Variants in HP1BP3 observed in about 807,000 individuals in gnomAD.
HP1BP3 encodes heterochromatin protein 1 binding protein 3.
HP1BP3 carries 12 observed loss-of-function variants against 62.5 expected under a neutral mutation model. That is an observed-to-expected ratio of 0.19 (90% confidence interval 0.12 to 0.31). The LOEUF is 0.31. Among genes scored for constraint, HP1BP3 ranks in the 10% least tolerant of loss-of-function variants. HP1BP3 has a pLI of 1.00. For synonymous variants in HP1BP3, 260 were observed against 237.8 expected (o/e 1.09, Z -0.86); for missense variants, 502 against 651.8 (o/e 0.77, Z 2.50).
chr1:20,761,605 A>C (rs879638297), intron 8 of HP1BP3, among the ~76,000 whole-genome samples: 1 of 152,216 alleles, frequency 6.6e-6, no homozygotes, highest in African/African-American at 2.4e-5. Context: ...ATCCGTATAC[A>C]CGAATCTGAA....
chr1:20,757,375 T>TA (rs1216710539), intron 8 of HP1BP3, 119 bp from the exon 9 acceptor site: 7 of 231,216 alleles, frequency 3.0e-5, no homozygotes, highest in Admixed American at 1.4e-4. Flanking sequence ...TATTATTATT[T>TA]TTTTTTTTTT....
At chr1:20,759,054 T>C (rs1217190826) in intron 8 of HP1BP3, among the ~76,000 whole-genome samples, 1 of 151,978 alleles carries the variant, frequency 6.6e-6, no homozygotes, top group Non-Finnish European at 1.5e-5. Flanking sequence ...TTAAGGACAT[T>C]TGAACATGGA....
intron 9 of HP1BP3, among the ~76,000 whole-genome samples, chr1:20,756,632 T>C (rs1156231746): frequency 6.6e-6 from 1 of 152,208 alleles, no homozygotes; most frequent in Non-Finnish European, 1.5e-5. Flanking sequence ...ATATGTCATT[T>C]ATGTTAATAT....
At chr1:20,758,349 C>T (rs2056250986) in intron 8 of HP1BP3, among the ~76,000 whole-genome samples, 1 of 146,358 alleles carries the variant, frequency 6.8e-6, no homozygotes, top group Non-Finnish European at 1.5e-5. Flanking sequence ...GGGTTAAACA[C>T]TCCTTTTTTT....
intron 11 of HP1BP3, among the ~76,000 whole-genome samples, chr1:20,746,254 T>C (rs191287792): frequency 2.7e-4 from 41 of 150,312 alleles, no homozygotes; most frequent in Non-Finnish European, 5.0e-4. Flanking sequence ...ACACAGGGTC[T>C]TGCTATGCTG....
intron 4 of HP1BP3, chr1:20,776,311 T>C: frequency 2.3e-6 from 1 of 427,178 alleles, no homozygotes. Flanking sequence ...TGCCAATGCT[T>C]AAAATATCAG....
intron 6 of HP1BP3, among the ~76,000 whole-genome samples, chr1:20,770,306 G>A (rs1378176331): frequency 2.0e-5 from 3 of 152,080 alleles, no homozygotes; most frequent in African/African-American, 7.2e-5. Context: ...CCTAAGACAA[G>A]GGCAATTATT....
In HP1BP3 at chr1:20,743,151, G is replaced by A. The variant is rs1347648655; in HGVS notation, c.*1646C>T. 1 of 150,442 alleles carries A rather than the reference G, an allele frequency of 6.6e-6. No individual in the cohort carries two copies. Among genetic ancestry groups the A allele is most frequent in the Non-Finnish European group, 1.5e-5 (1 of 67,636 alleles). The allele number at this position is 150,442 out of a possible 1,614,324, so 9.3% of individuals were successfully genotyped here. A position where few individuals can be genotyped will look rare whatever the true frequency, so the allele number is the denominator to read the frequency against. On this transcript the variant is annotated 3_prime_UTR_variant, in exon 13 of 13. Transcript: ENST00000438032. Reference sequence around the variant, plus strand: ...TTTTTTTTAATATCTCAAAAAGGAAGCCACTTGCTTGATATCAAAAGTGCT... The same window carrying A: ...TTTTTTTTAATATCTCAAAAAGGAAACCACTTGCTTGATATCAAAAGTGCT...
At chr1:20,771,151 G>C (rs1315009822) in intron 5 of HP1BP3, 78 bp from the exon 6 acceptor site, 3 of 1,271,060 alleles carry the variant, frequency 2.4e-6, no homozygotes, top group Non-Finnish European at 3.3e-6. Flanking sequence ...AAATTATTTT[G>C]GAAGTGAATT....
At chr1:20,770,211 T>C (rs2056993442) in intron 6 of HP1BP3, among the ~76,000 whole-genome samples, 1 of 152,230 alleles carries the variant, frequency 6.6e-6, no homozygotes. Flanking sequence ...GTTTAGATAC[T>C]AATCAGTTAA....
Position 20,743,122 on chromosome 1 carries a change from CTTT to C in HP1BP3, c.*1672_*1674del, listed in dbSNP as rs35433329. ...GGGCTTCATTTACTTTTTTCCTTTT[CTTT>C]TTTTTTTTAATATCTCAAAAAGGAA... On this transcript the variant is annotated 3_prime_UTR_variant, in exon 13 of 13. Coordinates refer to ENST00000438032, the MANE Select transcript of HP1BP3 (RefSeq NM_001372052.1). 1 of 142,906 alleles carries C rather than the reference CTTT, an allele frequency of 7.0e-6. No homozygotes were observed. Among genetic ancestry groups the C allele is most frequent in the Non-Finnish European group, 1.5e-5 (1 of 65,138 alleles). 8.9% of individuals were successfully genotyped at this position (142,906 alleles called of 1,614,324 possible).
intron 11 of HP1BP3, among the ~76,000 whole-genome samples, chr1:20,746,344 C>G (rs1570535884): frequency 6.6e-6 from 1 of 151,698 alleles, no homozygotes; most frequent in East Asian, 1.9e-4. Context: ...CAGGTGCATC[C>G]CACCACACCT....
chr1:20,781,717 C>A (rs183490689), intron 1 of HP1BP3, among the ~76,000 whole-genome samples: 39 of 152,320 alleles, frequency 2.6e-4, no homozygotes, highest in Admixed American at 1.7e-3. Context: ...ACCTCCGCCT[C>A]CTTGGTTCAA....
At position 20,747,637 on chromosome 1, in the gene HP1BP3, G is replaced by GT; in HGVS notation, c.1159dup (p.Thr387AsnfsTer44). On this transcript the variant is annotated frameshift_variant, in exon 11 of 13. Transcript: ENST00000438032. LOFTEE classifies it high-confidence loss of function. Reference sequence around the variant, plus strand: ...CCCATTCTTTTCGCATTTCTGCAGGGTTTTTTTCAGCAAATGCACTGAAAA... The same window carrying GT: ...CCCATTCTTTTCGCATTTCTGCAGGGTTTTTTTTCAGCAAATGCACTGAAAA... The GT allele has an allele frequency of 6.2e-7, 1 of 1,610,572 alleles. No individual in the cohort carries two copies. Among genetic ancestry groups the GT allele is most frequent in the Admixed American group, 1.7e-5 (1 of 59,592 alleles).
intron 11 of HP1BP3, 87 bp downstream of exon 11, chr1:20,747,457 A>C (rs188511099): frequency 4.6e-6 from 4 of 862,836 alleles, no homozygotes; most frequent in Non-Finnish European, 7.3e-6. Flanking sequence ...CAGTTCACTA[A>C]AACAGTAATA....
chr1:20,778,636 T>C (rs574705683), intron 3 of HP1BP3, among the ~76,000 whole-genome samples: 1 of 151,342 alleles, frequency 6.6e-6, no homozygotes, highest in African/African-American at 2.5e-5. Context: ...CCCGTGTTTC[T>C]TAACTGCCTT....
rs1449206922 is a variant in HP1BP3, at chr1:20,742,284, C to A, written c.*2513G>T. Reference sequence around the variant, plus strand: ...AAGAATCATTACTTGCTAGAGAGCACAGGAGTAATTACTACAATTACTTCT... The same window carrying A: ...AAGAATCATTACTTGCTAGAGAGCAAAGGAGTAATTACTACAATTACTTCT... On this transcript the variant is annotated 3_prime_UTR_variant, in exon 13 of 13. Transcript: ENST00000438032. 2.0e-5 allele frequency among the ~76,000 whole-genome samples: 3 copies of A among 152,144 alleles called. No individual in the cohort carries two copies. The highest frequency in any genetic ancestry group is 7.2e-5 in the African/African-American group (3 of 41,426).
intron 4 of HP1BP3, chr1:20,773,872 A>G (rs1570652373): frequency 7.4e-6 from 2 of 268,588 alleles, no homozygotes; most frequent in African/African-American, 2.2e-5. Context: ...GGCTCAGTAC[A>G]TAAGACAAAT....
intron 7 of HP1BP3, 28 bp from the exon 8 acceptor site, chr1:20,765,559 T>G: frequency 6.3e-7 from 1 of 1,582,628 alleles, no homozygotes; most frequent in Non-Finnish European, 8.6e-7. Context: ...AAAATTATGA[T>G]CATTATAGAA....
Sources: gnomAD v4.1 joint callset for allele counts (sites outside exome capture counted in the v4.1 genomes callset) on GRCh38, gnomAD v4.1.1 for gene constraint, MANE v1.5 for transcripts, NCBI Gene and HGNC (gene_info 2026-07-23, HGNC 2026-07-21) for gene names.